Variants in NEURL1 observed in about 807,000 individuals in gnomAD.
The protein encoded by NEURL1 is E3 ubiquitin-protein ligase NEURL1.
A neutral mutation model predicts 41.2 loss-of-function variants in NEURL1; 26 were observed. The observed-to-expected ratio is 0.63, with a 90% CI of 0.46 to 0.87. The LOEUF (loss-of-function observed/expected upper bound fraction) is 0.87. Ranked by LOEUF, NEURL1 falls within the 40% of genes least tolerant of loss-of-function variation. The probability of loss-of-function intolerance (pLI) is 0.00; values close to 1 mark genes in which losing one functional copy is unlikely to be tolerated. For synonymous variants in NEURL1, 400 were observed against 402.3 expected (o/e 0.99, Z 0.07); for missense variants, 761 against 871.1 (o/e 0.87, Z 1.59).
At chr10:103,574,427 A>C (rs2035615277) in intron 3 of NEURL1, among the ~76,000 whole-genome samples, 1 of 152,214 alleles carries the variant, frequency 6.6e-6, no homozygotes. Flanking sequence ...AGGCCCACGC[A>C]AGGCCTGGCT....
At chr10:103,515,807 T>G (rs568481505) in intron 1 of NEURL1, among the ~76,000 whole-genome samples, 4 of 152,138 alleles carry the variant, frequency 2.6e-5, no homozygotes, top group Admixed American at 2.6e-4. Context: ...CTGTGGAGGA[T>G]GGAGTTAAGA....
chr10:103,516,479 G>T (rs1207755705), intron 1 of NEURL1, among the ~76,000 whole-genome samples: 1 of 151,744 alleles, frequency 6.6e-6, no homozygotes, highest in African/African-American at 2.4e-5. Flanking sequence ...GGAGACGCTG[G>T]GTTGGCAACT....
chr10:103,514,654 T>G (rs2034157075), intron 1 of NEURL1, among the ~76,000 whole-genome samples: 1 of 152,158 alleles, frequency 6.6e-6, no homozygotes, highest in Non-Finnish European at 1.5e-5. Flanking sequence ...CCTGGCACTG[T>G]GGCAAGGGAG....
intron 1 of NEURL1, among the ~76,000 whole-genome samples, chr10:103,529,487 C>T (rs1185693798): frequency 1.3e-5 from 2 of 152,142 alleles, no homozygotes; most frequent in African/African-American, 4.8e-5. Context: ...GCCAGTTTTC[C>T]CAAGGGGCTT....
At chr10:103,528,834 TGGAACTGGGCAAGTGTTGGAACCAA>T (rs571958202) in intron 1 of NEURL1, among the ~76,000 whole-genome samples, 249 of 152,328 alleles carry the variant, frequency 1.6e-3, no homozygotes, top group Non-Finnish European at 3.0e-3. Context: ...TCCCAGGAAC[TGGAACTGGGCAAGTGTTGGAACCAA>T]GGAACTGGGC....
rs1414442548 is a variant in NEURL1, at chr10:103,514,788, T to G, written c.85+20316T>G. Among the ~76,000 whole-genome samples the G allele has an allele frequency of 5.3e-4, 80 of 151,746 alleles. 1 individual carries two copies. Among genetic ancestry groups the G allele is most frequent in the Non-Finnish European group, 4.4e-5 (3 of 67,932 alleles). ...AGGGCCCCATACGTAGGATAGGGAGTGGGGCAGGAAGCATGCATGCCCAGG... is the reference window on the plus strand; with the variant it reads ...AGGGCCCCATACGTAGGATAGGGAGGGGGGCAGGAAGCATGCATGCCCAGG... On this transcript the variant is annotated intron_variant, in intron 1 of 5. Transcript: ENST00000369780.
At chr10:103,572,177 A>C (rs117080365) in intron 3 of NEURL1, among the ~76,000 whole-genome samples, 4,875 of 152,328 alleles carry the variant, frequency 0.032, 112 homozygotes, top group Non-Finnish European at 0.046. Context: ...ACTATGTGCA[A>C]GGCACTTGAT....
chr10:103,518,605 G>T (rs1041075552), intron 1 of NEURL1, among the ~76,000 whole-genome samples: 4 of 152,206 alleles, frequency 2.6e-5, no homozygotes, highest in Non-Finnish European at 5.9e-5. Flanking sequence ...ATGAGTTGGG[G>T]GGTCTGGGGA....
chr10:103,589,639 C>A lies in NEURL1; in HGVS notation c.1465C>A (p.Pro489Thr), dbSNP rs370963683. 1 of 1,612,266 alleles carries A rather than the reference C, an allele frequency of 6.2e-7. No individual in the cohort carries two copies. The change falls in exon 5 of 6, where the codon CCT (proline) becomes ACT (threonine). Residue 489 changes from proline (P) to threonine (T), a missense_variant. Around this residue, in one of 5 missense-constraint regions of NEURL1, gnomAD observed 443 missense variants for 408.1 expected, o/e 1.09. Transcript: ENST00000369780. ...DPLLSTCSSG[P>T]LGSSAGGTAP... Reference sequence around the variant, plus strand: ...CTTGCTCAGCACGTGCAGCTCTGGCCCTCTGGGTAGCTCTGCTGGTGGTAA... The same window carrying A: ...CTTGCTCAGCACGTGCAGCTCTGGCACTCTGGGTAGCTCTGCTGGTGGTAA...
intron 1 of NEURL1, among the ~76,000 whole-genome samples, chr10:103,537,930 G>C (rs1347330110): frequency 1.3e-5 from 2 of 151,964 alleles, no homozygotes; most frequent in Non-Finnish European, 2.9e-5. Flanking sequence ...CCATAATCAA[G>C]TAACCGCCAG....
intron 4 of NEURL1, among the ~76,000 whole-genome samples, chr10:103,587,752 T>C (rs1008650955): frequency 1.3e-5 from 2 of 152,270 alleles, no homozygotes; most frequent in Non-Finnish European, 2.9e-5. Flanking sequence ...CTGAAAATTC[T>C]GGCCAATGCA....
At chr10:103,562,083 A>G (rs547851000) in intron 1 of NEURL1, among the ~76,000 whole-genome samples, 1 of 152,326 alleles carries the variant, frequency 6.6e-6, no homozygotes, top group South Asian at 2.1e-4. Flanking sequence ...ATAGGGATAC[A>G]GTAGTAAAAA....
In NEURL1 at chr10:103,585,195, C is replaced by A. The variant is rs771837222; in HGVS notation, c.1309C>A (p.His437Asn). ...SQPLWMLFGLHGTITQIRILG... is the reference protein window; with the variant it reads ...SQPLWMLFGLNGTITQIRILG... ...GCCGCTTTGGATGCTCTTCGGCCTGCACGGGACCATCACGCAGATCCGCAT... is the reference window on the plus strand; with the variant it reads ...GCCGCTTTGGATGCTCTTCGGCCTGAACGGGACCATCACGCAGATCCGCAT... The change falls in exon 4 of 6, where the codon CAC becomes AAC. Residue 437 changes from histidine (H) to asparagine (N), a missense_variant. Transcript: ENST00000369780. 6.4e-7 allele frequency: 1 copy of A among 1,569,726 alleles called. No homozygotes were observed.
chr10:103,585,502 A>G (rs1424922761), intron 4 of NEURL1, among the ~76,000 whole-genome samples: 1 of 152,182 alleles, frequency 6.6e-6, no homozygotes, highest in Admixed American at 6.5e-5. Context: ...ACAGATACAT[A>G]AACAGTCCAG....
chr10:103,529,822 A>G (rs1244042674), intron 1 of NEURL1, among the ~76,000 whole-genome samples: 1 of 152,174 alleles, frequency 6.6e-6, no homozygotes, highest in Non-Finnish European at 1.5e-5. Flanking sequence ...TCTTTGGGTC[A>G]GGGGTCTCTT....
At chr10:103,550,880 G>A (rs2035018842) in intron 1 of NEURL1, 1 of 152,198 alleles carries the variant, frequency 6.6e-6, no homozygotes, top group African/African-American at 2.4e-5. Context: ...ACTCCTGAAG[G>A]GAAGTTTTGG....
At position 103,585,095 on chromosome 10, in the gene NEURL1, C is replaced by T; in HGVS notation, c.1209C>T (p.Val403=). The T allele has an allele frequency of 6.3e-7, 1 of 1,590,078 alleles. No homozygotes were observed. Residue 403 remains valine (V), a synonymous_variant, in exon 4 of 6, where the codon GTC becomes GTT. Coordinates refer to ENST00000369780, the MANE Select transcript of NEURL1 (RefSeq NM_004210.5). ...LHSGDILGLV[V]NADGELHLSH... ...GCGGCGACATCCTGGGCCTGGTGGTCAACGCCGACGGCGAGCTGCACCTCA... is the reference window on the plus strand; with the variant it reads ...GCGGCGACATCCTGGGCCTGGTGGTTAACGCCGACGGCGAGCTGCACCTCA...
chr10:103,570,704 G>A lies in NEURL1; in HGVS notation c.86-168G>A, dbSNP rs185919013. 4.4e-4 allele frequency among the ~76,000 whole-genome samples: 67 copies of A among 152,082 alleles called. 1 individual carries two copies. In the East Asian group the frequency reaches 0.013, roughly 29 times the overall value. On this transcript the variant is annotated intron_variant, in intron 1 of 5. Coordinates refer to ENST00000369780, the MANE Select transcript of NEURL1 (RefSeq NM_004210.5). ...GGTGGCAGATGGTGGAGTGGGAGAT[G>A]GTGAGAGATGGTGGCAGAAGGATGG...
chr10:103,516,875 C>T (rs964821805), intron 1 of NEURL1, among the ~76,000 whole-genome samples: 2 of 151,578 alleles, frequency 1.3e-5, no homozygotes, highest in Admixed American at 6.6e-5. Flanking sequence ...TCCTTCCTCC[C>T]TCCCTCCCTC....
Sources: gnomAD v4.1 joint callset for allele counts (sites outside exome capture counted in the v4.1 genomes callset) on GRCh38, gnomAD v4.1.1 for gene constraint, gnomAD v4.1.1 regional missense constraint, MANE v1.5 for transcripts, NCBI Gene and HGNC (gene_info 2026-07-23, HGNC 2026-07-21) for gene names.